UBL3: variants seen among roughly 807,000 people sequenced by gnomAD.
UBL3 encodes the protein ubiquitin like 3, also known as ubiquitin-like protein 3.
Under a neutral mutation model 18.4 loss-of-function variants are expected in UBL3, and 6 were observed. The observed-to-expected ratio is 0.33, with a 90% CI of 0.18 to 0.64. UBL3 has a LOEUF of 0.64. Ranked by LOEUF, UBL3 falls within the 30% of genes least tolerant of loss-of-function variation. The pLI, the probability that UBL3 is intolerant of heterozygous loss-of-function variation, is 0.76. For missense variants in UBL3, 109 were observed against 142.9 expected, an observed-to-expected ratio of 0.76 and a Z score of 1.21; for synonymous variants, 49 against 46.6, an observed-to-expected ratio of 1.05 and a Z score of -0.21.
chr13:29,797,172 T>C (rs1336325028), intron 1 of UBL3, among the ~76,000 whole-genome samples: 2 of 152,182 alleles, frequency 1.3e-5, no homozygotes, highest in Non-Finnish European at 2.9e-5. Context: ...TAGTATCAGT[T>C]TTCTGTTGGC....
intron 1 of UBL3, among the ~76,000 whole-genome samples, chr13:29,846,766 A>C (rs1879236974): frequency 6.6e-6 from 1 of 152,222 alleles, no homozygotes; most frequent in Non-Finnish European, 1.5e-5. Flanking sequence ...TAAAAGATTG[A>C]CTTCAATAGA....
At chr13:29,797,812 T>C (rs1021592485) in intron 1 of UBL3, among the ~76,000 whole-genome samples, 1 of 152,154 alleles carries the variant, frequency 6.6e-6, no homozygotes, top group Non-Finnish European at 1.5e-5. Context: ...ACTTCCTTCC[T>C]TCTATTAATA....
At chr13:29,773,335 C>T (rs1335677825) in intron 2 of UBL3, among the ~76,000 whole-genome samples, 1 of 152,104 alleles carries the variant, frequency 6.6e-6, no homozygotes, top group Admixed American at 6.6e-5. Context: ...AGTCTCTTCC[C>T]TCTTCTGTCT....
chr13:29,824,869 GAATT>G (rs1408413194), intron 1 of UBL3, among the ~76,000 whole-genome samples: 1 of 152,150 alleles, frequency 6.6e-6, no homozygotes, highest in Admixed American at 6.5e-5. Flanking sequence ...AATCCATCTT[GAATT>G]AATTTTTGTA....
intron 1 of UBL3, among the ~76,000 whole-genome samples, chr13:29,782,797 G>C (rs924626010): frequency 5.9e-4 from 90 of 152,138 alleles, no homozygotes; most frequent in African/African-American, 2.1e-3. Flanking sequence ...AAATACATAA[G>C]TCTAAAAATT....
intron 1 of UBL3, among the ~76,000 whole-genome samples, chr13:29,802,165 T>C (rs142508754): frequency 1.3e-5 from 2 of 152,350 alleles, no homozygotes; most frequent in Non-Finnish European, 2.9e-5. Flanking sequence ...ATCTACTGGA[T>C]CACAGCTTAA....
intron 1 of UBL3, among the ~76,000 whole-genome samples, chr13:29,830,882 C>T (rs1015034374): frequency 6.6e-6 from 1 of 152,198 alleles, no homozygotes; most frequent in African/African-American, 2.4e-5. Context: ...CTCTTGACCA[C>T]ATTGAAATAC....
At chr13:29,820,067 G>T (rs1251670981) in intron 1 of UBL3, among the ~76,000 whole-genome samples, 1 of 151,390 alleles carries the variant, frequency 6.6e-6, no homozygotes, top group East Asian at 1.9e-4. Context: ...TTCTTTTCTG[G>T]AAAGAAGCTT....
intron 1 of UBL3, among the ~76,000 whole-genome samples, chr13:29,780,216 T>C (rs900961921): frequency 2.6e-5 from 4 of 151,168 alleles, no homozygotes; most frequent in African/African-American, 4.9e-5. Context: ...TAGCCAGGCA[T>C]GGTGGCGGGC....
chr13:29,840,359 C>T (rs1406537889), intron 1 of UBL3, among the ~76,000 whole-genome samples: 2 of 152,152 alleles, frequency 1.3e-5, no homozygotes, highest in Non-Finnish European at 2.9e-5. Flanking sequence ...ATAATCTTCA[C>T]AAGAAAACTC....
At chr13:29,805,328 C>A (rs1877872771) in intron 1 of UBL3, among the ~76,000 whole-genome samples, 1 of 152,166 alleles carries the variant, frequency 6.6e-6, no homozygotes, top group Non-Finnish European at 1.5e-5. Flanking sequence ...ATTTTAGAAT[C>A]TAAATTCTTA....
At chr13:29,787,541 T>C (rs1877355175) in intron 1 of UBL3, among the ~76,000 whole-genome samples, 1 of 152,210 alleles carries the variant, frequency 6.6e-6, no homozygotes, top group Non-Finnish European at 1.5e-5. Flanking sequence ...ACAGAACATA[T>C]TGATTCTGAA....
intron 1 of UBL3, among the ~76,000 whole-genome samples, chr13:29,833,346 A>T (rs1259571849): frequency 6.6e-6 from 1 of 152,242 alleles, no homozygotes; most frequent in Non-Finnish European, 1.5e-5. Context: ...GAGAAAAATG[A>T]TTGGCTTTAT....
At chr13:29,825,556 A>T (rs1446306994) in intron 1 of UBL3, among the ~76,000 whole-genome samples, 3 of 152,086 alleles carry the variant, frequency 2.0e-5, no homozygotes, top group East Asian at 1.9e-4. Flanking sequence ...TGATTTTGTA[A>T]CCTGAGACTT....
In UBL3 at chr13:29,783,442, T is replaced by C. The variant is rs79093321; in HGVS notation, c.28-6179A>G. Among the ~76,000 whole-genome samples, 277 of 152,312 alleles carry C rather than the reference T, an allele frequency of 1.8e-3. 5 individuals are homozygous for C. In the East Asian group the frequency reaches 0.045, roughly 25 times the overall value. ...CCATGAATCTGCCTCAGTATGCTTGTCAAGTATACCTTAGGACTGTAAGAA... is the reference window on the plus strand; with the variant it reads ...CCATGAATCTGCCTCAGTATGCTTGCCAAGTATACCTTAGGACTGTAAGAA... On this transcript the variant is annotated intron_variant, in intron 1 of 4. Coordinates refer to ENST00000380680, the MANE Select transcript of UBL3 (RefSeq NM_007106.4).
At chr13:29,835,145 T>TATAA (rs1566001117) in intron 1 of UBL3, among the ~76,000 whole-genome samples, 2 of 14,252 alleles carry the variant, frequency 1.4e-4, no homozygotes, top group South Asian at 2.4e-3. Flanking sequence ...TATATATATA[T>TATAA]ATATATATAT....
At chr13:29,812,733 T>G (rs2139342067) in intron 1 of UBL3, among the ~76,000 whole-genome samples, 1 of 152,180 alleles carries the variant, frequency 6.6e-6, no homozygotes, top group African/African-American at 2.4e-5. Flanking sequence ...TTATGAAATA[T>G]AGACTATTTC....
chr13:29,799,572 C>G (rs1357312175), intron 1 of UBL3, among the ~76,000 whole-genome samples: 1 of 152,108 alleles, frequency 6.6e-6, no homozygotes, highest in Non-Finnish European at 1.5e-5. Context: ...AATTATGAGT[C>G]TGTAACAAAA....
At chr13:29,834,239 T>C (rs1017819262) in intron 1 of UBL3, among the ~76,000 whole-genome samples, 4 of 151,302 alleles carry the variant, frequency 2.6e-5, no homozygotes, top group Admixed American at 2.6e-4. Context: ...TAGACTAGTA[T>C]GTAATCATAA....
Sources: allele counts gnomAD v4.1 joint callset (sites outside exome capture counted in the v4.1 genomes callset), GRCh38; gene constraint gnomAD v4.1.1; transcripts MANE v1.5; gene names NCBI Gene and HGNC (gene_info 2026-07-23, HGNC 2026-07-21).